ANO2: variants seen among roughly 807,000 people sequenced by gnomAD.
The protein encoded by ANO2 is anoctamin-2.
ANO2 carries 101 observed loss-of-function variants against 124.2 expected under a neutral mutation model. The ratio of observed to expected loss-of-function variants is 0.81; its 90% CI spans 0.69 to 0.96. The LOEUF (loss-of-function observed/expected upper bound fraction) is 0.96, where lower values mean the gene tolerates loss of function less well. ANO2 is among the 40% of genes least tolerant of loss of function. The pLI is 0.00. For missense variants in ANO2, 1,293 were observed against 1,274.5 expected (o/e 1.01, Z -0.22); for synonymous variants, 486 against 482.5 (o/e 1.01, Z -0.09).
intron 14 of ANO2, among the ~76,000 whole-genome samples, chr12:5,648,762 C>T (rs979887125): frequency 5.3e-5 from 8 of 152,120 alleles, no homozygotes; most frequent in South Asian, 2.1e-4. Flanking sequence ...GGGAAGGTGC[C>T]GAGAATATGG....
intron 7 of ANO2, among the ~76,000 whole-genome samples, chr12:5,820,940 G>C (rs1460030698): frequency 2.6e-5 from 4 of 152,204 alleles, no homozygotes; most frequent in Non-Finnish European, 5.9e-5. Flanking sequence ...CTGTCCATTA[G>C]GCCCACCAGA....
rs544324155 is a variant in ANO2, at chr12:5,849,080, G to A, written c.633+4963C>T. Among the ~76,000 whole-genome samples, 27 of 152,294 alleles carry A rather than the reference G, an allele frequency of 1.8e-4. No individual in the cohort carries two copies. In the South Asian group the frequency reaches 2.7e-3, roughly 15 times the overall value. ...CTGGAAGTTAACAGCATCTACTTGC[G>A]TGCAAAGGACACATAAGCTGAAGTT... is the stretch of plus-strand genomic sequence containing the variant. On this transcript the variant is annotated intron_variant, in intron 4 of 24. Transcript: ENST00000682330.
chr12:5,826,437 CATATATATATATATATATATATAT>C (rs10526567), intron 7 of ANO2, among the ~76,000 whole-genome samples: 27 of 144,204 alleles, frequency 1.9e-4, no homozygotes, highest in East Asian at 7.9e-4. Flanking sequence ...TTAATAAACT[CATATATATATATATATATATATAT>C]ATATATATAT....
intron 1 of ANO2, among the ~76,000 whole-genome samples, chr12:5,926,468 A>AC (rs1942084393): frequency 2.0e-5 from 3 of 151,014 alleles, no homozygotes; most frequent in East Asian, 3.9e-4. Context: ...GCCAGTCTCC[A>AC]CCCCCTCTCT....
chr12:5,690,037 C>G (rs1948865825), intron 14 of ANO2, among the ~76,000 whole-genome samples: 1 of 152,096 alleles, frequency 6.6e-6, no homozygotes, highest in Non-Finnish European at 1.5e-5. Context: ...TCTCCACAGA[C>G]CCTGTACAAG....
intron 3 of ANO2, among the ~76,000 whole-genome samples, chr12:5,880,158 C>A (rs1490359175): frequency 1.3e-5 from 2 of 152,284 alleles, no homozygotes; most frequent in South Asian, 4.1e-4. Flanking sequence ...ATGGTTAAGA[C>A]AACCAGCAAG....
chr12:5,781,337 A>G (rs1952388066), intron 10 of ANO2, among the ~76,000 whole-genome samples: 1 of 152,236 alleles, frequency 6.6e-6, no homozygotes, highest in South Asian at 2.1e-4. Flanking sequence ...TTGCTAATTA[A>G]TATCTATGAG....
chr12:5,618,059 G>T (rs1478530183), intron 16 of ANO2, among the ~76,000 whole-genome samples: 2 of 152,198 alleles, frequency 1.3e-5, no homozygotes, highest in African/African-American at 2.4e-5. Context: ...ATGTGCTCAT[G>T]AACAGGTTAA....
intron 10 of ANO2, among the ~76,000 whole-genome samples, chr12:5,767,534 T>C (rs1241157819): frequency 6.6e-6 from 1 of 152,256 alleles, no homozygotes; most frequent in Non-Finnish European, 1.5e-5. Context: ...CATCTATATG[T>C]GCCAAGCCTT....
chr12:5,879,000 T>G (rs1227177866), intron 3 of ANO2, among the ~76,000 whole-genome samples: 1 of 152,208 alleles, frequency 6.6e-6, no homozygotes, highest in Non-Finnish European at 1.5e-5. Flanking sequence ...TCAGGAACAC[T>G]AAAAGTGGGA....
At chr12:5,664,458 T>C (rs1947604109) in intron 14 of ANO2, among the ~76,000 whole-genome samples, 1 of 152,240 alleles carries the variant, frequency 6.6e-6, no homozygotes, top group Non-Finnish European at 1.5e-5. Flanking sequence ...ACAGGCTCTT[T>C]TAAGGATTCT....
chr12:5,819,824 T>C (rs10849346), intron 7 of ANO2, among the ~76,000 whole-genome samples: 46,667 of 151,968 alleles, frequency 0.31, 7,496 homozygotes, highest in Middle Eastern at 0.38. Context: ...ATGGGAATAA[T>C]TGGATCCTGA....
At chr12:5,682,671 G>T (rs1410680878) in intron 14 of ANO2, among the ~76,000 whole-genome samples, 1 of 152,154 alleles carries the variant, frequency 6.6e-6, no homozygotes, top group African/African-American at 2.4e-5. Flanking sequence ...AGACAGTTAA[G>T]CTCAGAAACA....
At chr12:5,616,985 C>T (rs898078083) in intron 16 of ANO2, among the ~76,000 whole-genome samples, 3 of 151,398 alleles carry the variant, frequency 2.0e-5, no homozygotes. Flanking sequence ...CACACAGTAC[C>T]GCATCCTCCA....
Position 5,827,796 on chromosome 12 carries a change from C to A in ANO2, c.865G>T (p.Ala289Ser), listed in dbSNP as rs1308332989. The A allele has an allele frequency of 6.2e-7, 1 of 1,611,664 alleles. No individual in the cohort carries two copies. Among genetic ancestry groups the A allele is most frequent in the South Asian group, 1.1e-5 (1 of 90,432 alleles). Residue 289 changes from alanine to serine, a missense_variant, in exon 7 of 25, where the codon GCC becomes TCC. Physicochemically the swap from Ala to Ser is moderately conservative, Grantham distance 99 (BLOSUM62 1). Coordinates refer to ENST00000682330, the MANE Select transcript of ANO2 (RefSeq NM_001364791.2). ...ATCGTGTTGTTGGCTCGGGAGCAGG[C>A]TGTGCGCTTCAGGATCTCGTGCACC... ...RIVHEILKRT[A>S]CSRANNTMGI...
intron 19 of ANO2, among the ~76,000 whole-genome samples, chr12:5,603,778 T>C (rs888066641): frequency 4.6e-5 from 7 of 151,882 alleles, no homozygotes; most frequent in African/African-American, 1.7e-4. Flanking sequence ...ACCCCGCCTC[T>C]ACTAAAAATA....
intron 16 of ANO2, among the ~76,000 whole-genome samples, chr12:5,619,005 ATGATGCTGCTGGCAGT>A (rs548798643): frequency 2.1e-4 from 32 of 152,328 alleles, no homozygotes; most frequent in African/African-American, 7.0e-4. Context: ...ATATTAGGAG[ATGATGCTGCTGGCAGT>A]GATGACTGCT....
chr12:5,817,167 T>A (rs1953637644), intron 7 of ANO2, among the ~76,000 whole-genome samples: 1 of 152,168 alleles, frequency 6.6e-6, no homozygotes, highest in African/African-American at 2.4e-5. Context: ...AAAATAAACT[T>A]TTGTTTTTAG....
At chr12:5,826,101 G>A (rs1216078972) in intron 7 of ANO2, among the ~76,000 whole-genome samples, 1 of 152,138 alleles carries the variant, frequency 6.6e-6, no homozygotes, top group Non-Finnish European at 1.5e-5. Flanking sequence ...TTTATCAAGT[G>A]ACATAAGATT....
Sources: allele counts gnomAD v4.1 joint callset (sites outside exome capture counted in the v4.1 genomes callset), GRCh38; gene constraint gnomAD v4.1.1; transcripts MANE v1.5; gene names NCBI Gene and HGNC (gene_info 2026-07-23, HGNC 2026-07-21).